The following MYBPC1 variants were observed in gnomAD, a reference collection of about 807,000 sequenced individuals.
The protein encoded by MYBPC1 is myosin binding protein C1, also known as myosin-binding protein C, slow-type.
MYBPC1 carries 52 observed loss-of-function variants against 147.1 expected under a neutral mutation model. That is an observed-to-expected ratio of 0.35 (90% CI 0.28 to 0.45). The LOEUF (loss-of-function observed/expected upper bound fraction) is 0.45, where lower values mean the gene tolerates loss of function less well. MYBPC1 is among the 20% of genes least tolerant of loss of function. The probability of loss-of-function intolerance (pLI) is 1.00; values close to 1 mark genes in which losing one functional copy is unlikely to be tolerated. For synonymous variants in MYBPC1, 477 were observed against 475.9 expected (o/e 1.00, Z -0.03); for missense variants, 1,228 against 1,440.3 (o/e 0.85, Z 2.39).
chr12:101,618,288 G>A (rs531998519), intron 3 of MYBPC1, among the ~76,000 whole-genome samples: 1 of 152,192 alleles, frequency 6.6e-6, no homozygotes, highest in East Asian at 1.9e-4. Flanking sequence ...AACGCATAAC[G>A]TTAGTATACT....
At chr12:101,691,780 A>G in the MYBPC1 span, among the ~76,000 whole-genome samples, 16 of 152,346 alleles carry the variant, frequency 1.1e-4, no homozygotes, top group Admixed American at 1.0e-3. Context: ...TCATTTTAAA[A>G]TACATATTTT....
intron 1 of MYBPC1, among the ~76,000 whole-genome samples, chr12:101,602,836 CT>C (rs1170904972): frequency 6.6e-6 from 1 of 152,210 alleles, no homozygotes; most frequent in East Asian, 1.9e-4. Context: ...AAGGTCTATA[CT>C]CCATGACCTC....
Position 101,656,311 on chromosome 12 carries a change from G to T in MYBPC1, c.1767+3063G>T, listed in dbSNP as rs139467191. Among the ~76,000 whole-genome samples, 579 of 152,158 alleles carry T rather than the reference G, an allele frequency of 3.8e-3. 7 individuals are homozygous for T. The highest frequency in any genetic ancestry group is 0.013 in the African/African-American group (541 of 41,538). On this transcript the variant is annotated intron_variant, in intron 18 of 31. Transcript: ENST00000361466. ...GAACAAAGAAGAAGGGCAACCAATA[G>T]AAAATAATAACAAATATGACAGATA...
intron 18 of MYBPC1, among the ~76,000 whole-genome samples, chr12:101,655,322 G>T (rs1895355044): frequency 6.6e-6 from 1 of 152,022 alleles, no homozygotes; most frequent in Non-Finnish European, 1.5e-5. Flanking sequence ...ACCTACAGAT[G>T]AAAGCAATAA....
intron 28 of MYBPC1, 35 bp downstream of exon 28, chr12:101,678,273 C>G (rs374251280): frequency 1.2e-6 from 2 of 1,610,310 alleles, no homozygotes; most frequent in East Asian, 2.2e-5. Context: ...GTTAAAGTCC[C>G]TGTCTTGTAT....
chr12:101,681,389 C>A (rs954627685), intron 29 of MYBPC1, among the ~76,000 whole-genome samples: 3 of 151,074 alleles, frequency 2.0e-5, no homozygotes, highest in Admixed American at 1.3e-4. Flanking sequence ...CAAAATCTTT[C>A]TTTTTCCAAC....
chr12:101,620,070 G>A (rs1234871222), intron 3 of MYBPC1, among the ~76,000 whole-genome samples: 1 of 152,182 alleles, frequency 6.6e-6, no homozygotes, highest in Non-Finnish European at 1.5e-5. Context: ...GCTTGCATCT[G>A]GCTATCCATC....
intron 6 of MYBPC1, 38 bp from the exon 7 acceptor site, chr12:101,631,533 T>G (rs764038445): frequency 6.2e-7 from 1 of 1,610,374 alleles, no homozygotes; most frequent in Non-Finnish European, 8.5e-7. Flanking sequence ...AAATGACGCT[T>G]GTTAAAGAGC....
At chr12:101,633,916 G>C (rs1593797968) in intron 8 of MYBPC1, among the ~76,000 whole-genome samples, 2 of 148,894 alleles carry the variant, frequency 1.3e-5, no homozygotes, top group East Asian at 4.1e-4. Flanking sequence ...TTTTTAGACG[G>C]AGTCTCGCTC....
At chr12:101,609,456 GT>G (rs142887259) in intron 1 of MYBPC1, among the ~76,000 whole-genome samples, 2,729 of 151,760 alleles carry the variant, frequency 0.018, 82 homozygotes, top group African/African-American at 0.063. Context: ...AATGTAAAAT[GT>G]TTTTTTATGA....
At chr12:101,691,499 G>T in the MYBPC1 span, among the ~76,000 whole-genome samples, 1 of 152,204 alleles carries the variant, frequency 6.6e-6, no homozygotes, top group Non-Finnish European at 1.5e-5. Flanking sequence ...TTAATATTTT[G>T]TGGAAGGTTG....
intron 5 of MYBPC1, chr12:101,628,090 AC>A: frequency 2.6e-6 from 1 of 382,770 alleles, no homozygotes; most frequent in Non-Finnish European, 4.9e-6. Context: ...TTGGGGATGT[AC>A]TAAAGTTAGA....
intron 11 of MYBPC1, among the ~76,000 whole-genome samples, chr12:101,644,338 C>T (rs1449370814): frequency 1.5e-4 from 23 of 152,126 alleles, no homozygotes; most frequent in Admixed American, 1.5e-3. Flanking sequence ...TGCCCAGCCC[C>T]AGCGTGTTTT....
chr12:101,662,331 C>T (rs770411739), intron 20 of MYBPC1, 27 bp from the exon 21 acceptor site: 25 of 1,612,108 alleles, frequency 1.6e-5, no homozygotes, highest in Non-Finnish European at 2.0e-5. Flanking sequence ...AAGGAAAAAC[C>T]TTAGTTTTCA....
In MYBPC1 at chr12:101,648,094, T is replaced by C; in HGVS notation, c.1140T>C (p.Cys380=). The C allele has an allele frequency of 6.2e-7, 1 of 1,613,268 alleles. No individual in the cohort carries two copies. The highest frequency in any genetic ancestry group is 8.5e-7 in the Non-Finnish European group (1 of 1,179,380). ...TKQLEDTTAY[C]GERVELECEV... ...AGCTGGAAGATACAACTGCTTATTG[T>C]GGGGAGAGAGTGGAATTAGAATGTG... Residue 380 remains cysteine (C), a synonymous_variant, in exon 14 of 32, where the codon TGT becomes TGC. Transcript: ENST00000361466.
chr12:101,675,058 T>C (rs1899625152), intron 25 of MYBPC1, among the ~76,000 whole-genome samples: 1 of 152,044 alleles, frequency 6.6e-6, no homozygotes, highest in Admixed American at 6.6e-5. Flanking sequence ...CACTGGCTAA[T>C]CCGTTTTGAG....
At chr12:101,681,544 A>T (rs1950942285) in intron 29 of MYBPC1, among the ~76,000 whole-genome samples, 1 of 122,978 alleles carries the variant, frequency 8.1e-6, no homozygotes, top group Non-Finnish European at 1.7e-5. Context: ...CTTCTTGAAC[A>T]AAATAACTTT....
chr12:101,598,802 G>A (rs1013740981), intron 1 of MYBPC1, among the ~76,000 whole-genome samples: 2 of 151,934 alleles, frequency 1.3e-5, no homozygotes, highest in African/African-American at 4.8e-5. Flanking sequence ...GGCTGTTCTC[G>A]AACTCCTGGG....
intron 12 of MYBPC1, 54 bp from the exon 13 acceptor site, chr12:101,646,709 A>C (rs749749961): frequency 1.3e-6 from 2 of 1,599,404 alleles, no homozygotes; most frequent in Non-Finnish European, 1.7e-6. Context: ...GCAATAAAGA[A>C]AAGAATAAAA....
Sources: allele counts gnomAD v4.1 joint callset (sites outside exome capture counted in the v4.1 genomes callset), GRCh38; gene constraint gnomAD v4.1.1; transcripts MANE v1.5; gene names NCBI Gene and HGNC (gene_info 2026-07-23, HGNC 2026-07-21).